SLX4IP: variants seen among roughly 807,000 people sequenced by gnomAD.
SLX4IP encodes the protein SLX4 interacting protein, also known as protein SLX4IP.
Under a neutral mutation model 32.9 loss-of-function variants are expected in SLX4IP, and 34 were observed. The ratio of observed to expected loss-of-function variants is 1.03; its 90% CI spans 0.79 to 1.38. SLX4IP has a LOEUF of 1.38. SLX4IP is among the 40% of genes most tolerant of loss of function. SLX4IP has a pLI of 0.00. For missense variants in SLX4IP, 444 were observed against 479.0 expected (o/e 0.93, Z 0.68); for synonymous variants, 172 against 171.7 (o/e 1.00, Z -0.01).
intron 6 of SLX4IP, among the ~76,000 whole-genome samples, chr20:10,610,142 AG>A (rs1044022415): frequency 5.9e-5 from 9 of 152,128 alleles, no homozygotes; most frequent in Non-Finnish European, 1.3e-4. Context: ...TAGGTTCTTG[AG>A]GGTAGGTGAA....
chr20:10,500,420 A>G (rs766833947), intron 2 of SLX4IP, among the ~76,000 whole-genome samples: 2 of 151,848 alleles, frequency 1.3e-5, no homozygotes. Flanking sequence ...TGAGCCACTG[A>G]TGTGTTAAAG....
At chr20:10,519,423 TA>T (rs1272458690) in intron 2 of SLX4IP, among the ~76,000 whole-genome samples, 1 of 152,248 alleles carries the variant, frequency 6.6e-6, no homozygotes, top group African/African-American at 2.4e-5. Context: ...TTTGTCTTTA[TA>T]AAAAATTGCT....
At chr20:10,461,938 C>T (rs6039951) in intron 2 of SLX4IP, among the ~76,000 whole-genome samples, 9 of 151,984 alleles carry the variant, frequency 5.9e-5, no homozygotes, top group African/African-American at 9.7e-5. Context: ...CCACCACTCT[C>T]GGCTAATTTT....
chr20:10,579,908 T>G (rs1003658337), intron 4 of SLX4IP, among the ~76,000 whole-genome samples: 2 of 152,220 alleles, frequency 1.3e-5, no homozygotes, highest in Non-Finnish European at 2.9e-5. Flanking sequence ...ACCTAGCCAG[T>G]GCAAACATGA....
chr20:10,520,823 A>G (rs1180321531), intron 2 of SLX4IP, among the ~76,000 whole-genome samples: 1 of 152,154 alleles, frequency 6.6e-6, no homozygotes, highest in Non-Finnish European at 1.5e-5. Flanking sequence ...TTGGAATCAC[A>G]TTATAGACTT....
chr20:10,562,545 G>A (rs968551042), intron 4 of SLX4IP, among the ~76,000 whole-genome samples: 1 of 152,028 alleles, frequency 6.6e-6, no homozygotes, highest in Non-Finnish European at 1.5e-5. Flanking sequence ...GGCACAAGAT[G>A]GGGGGCGTGG....
intron 2 of SLX4IP, among the ~76,000 whole-genome samples, chr20:10,530,969 T>C (rs2065983905): frequency 6.6e-6 from 1 of 152,244 alleles, no homozygotes; most frequent in South Asian, 2.1e-4. Context: ...TTTTGTGAAG[T>C]CCTCAGCTTT....
chr20:10,556,630 T>G (rs2066270126), intron 3 of SLX4IP, among the ~76,000 whole-genome samples: 1 of 152,204 alleles, frequency 6.6e-6, no homozygotes, highest in Admixed American at 6.5e-5. Flanking sequence ...AAGTGACTAT[T>G]TCAGTAATCA....
At chr20:10,471,465 A>AT (rs2065424604) in intron 2 of SLX4IP, among the ~76,000 whole-genome samples, 2 of 152,254 alleles carry the variant, frequency 1.3e-5, no homozygotes, top group East Asian at 3.9e-4. Context: ...GAGCCCAGTA[A>AT]TTTTTTTCAG....
intron 6 of SLX4IP, chr20:10,613,882 C>T (rs1369320752): frequency 1.7e-5 from 26 of 1,529,208 alleles, no homozygotes; most frequent in Middle Eastern, 1.7e-4. Flanking sequence ...AAAGCTTGAA[C>T]GTCCTCTAAA....
Position 10,545,774 on chromosome 20 carries a change from T to C in SLX4IP, c.28-10457T>C, listed in dbSNP as rs148681010. On this transcript the variant is annotated intron_variant, in intron 2 of 7. Coordinates refer to ENST00000334534, the MANE Select transcript of SLX4IP (RefSeq NM_001009608.3). Reference sequence around the variant, plus strand: ...TCCACCCACAGAGGTAGGAAAATTATGCTACCTGTCTTTCCTCTTCCTTCC... The same window carrying C: ...TCCACCCACAGAGGTAGGAAAATTACGCTACCTGTCTTTCCTCTTCCTTCC... 2.7e-3 allele frequency among the ~76,000 whole-genome samples: 410 copies of C among 152,312 alleles called. 1 individual carries two copies. The highest frequency in any genetic ancestry group is 9.3e-3 in the African/African-American group (388 of 41,564).
intron 6 of SLX4IP, among the ~76,000 whole-genome samples, chr20:10,605,669 T>A (rs545953328): frequency 6.6e-6 from 1 of 152,310 alleles, no homozygotes; most frequent in East Asian, 1.9e-4. Flanking sequence ...GATATTTGAG[T>A]TATCTGCCTT....
rs769168305 is a variant in SLX4IP at position 10,622,615 on chromosome 20, A to G, written c.507-44A>G. ...AGAGGGAATCTGGAGGAAACAGTGC[A>G]GTGACAGCTTTACAAACCATAAAAT... On this transcript the variant is annotated intron_variant, in intron 7 of 7. Coordinates refer to ENST00000334534, the MANE Select transcript of SLX4IP (RefSeq NM_001009608.3). 32 of 1,556,170 alleles carry G rather than the reference A, an allele frequency of 2.1e-5. No individual in the cohort carries two copies. In the Admixed American group the frequency reaches 2.3e-4, roughly 11 times the overall value.
At chr20:10,583,178 A>C (rs1411999413) in intron 4 of SLX4IP, among the ~76,000 whole-genome samples, 2 of 152,230 alleles carry the variant, frequency 1.3e-5, no homozygotes, top group African/African-American at 4.8e-5. Context: ...TTTAAAGTAG[A>C]TTCTGGATGT....
intron 2 of SLX4IP, among the ~76,000 whole-genome samples, chr20:10,545,151 G>A (rs1168618142): frequency 6.6e-6 from 1 of 152,114 alleles, no homozygotes; most frequent in Non-Finnish European, 1.5e-5. Context: ...CTAGGCTTGA[G>A]GCTCTAGTGG....
At chr20:10,475,010 G>A (rs1036078934) in intron 2 of SLX4IP, among the ~76,000 whole-genome samples, 1 of 152,174 alleles carries the variant, frequency 6.6e-6, no homozygotes, top group Non-Finnish European at 1.5e-5. Context: ...TGCCTTCTTT[G>A]GGCAAGCACG....
At chr20:10,500,517 G>A (rs2065709120) in intron 2 of SLX4IP, among the ~76,000 whole-genome samples, 1 of 152,264 alleles carries the variant, frequency 6.6e-6, no homozygotes, top group East Asian at 1.9e-4. Flanking sequence ...TTGGGAGGCT[G>A]AGGCAGGTGG....
In SLX4IP at chr20:10,623,540, G is replaced by C; in HGVS notation, c.*161G>C. 9.0e-7 allele frequency: 1 copy of C among 1,109,472 alleles called. No individual in the cohort carries two copies. Among genetic ancestry groups the C allele is most frequent in the Non-Finnish European group, 1.2e-6 (1 of 805,990 alleles). 68.7% of individuals were successfully genotyped at this position (1,109,472 alleles called of 1,614,324 possible). On this transcript the variant is annotated 3_prime_UTR_variant, in exon 8 of 8. Coordinates refer to ENST00000334534, the MANE Select transcript of SLX4IP (RefSeq NM_001009608.3). ...GTTATGGCTATGGTTTGTTTTCAAA[G>C]CATTTCAAACCGGGAGGCTATATGC...
intron 4 of SLX4IP, among the ~76,000 whole-genome samples, chr20:10,595,453 C>G (rs2066758437): frequency 6.6e-6 from 1 of 152,166 alleles, no homozygotes; most frequent in Admixed American, 6.5e-5. Context: ...TTTAAAACAC[C>G]AGCATAGCGA....
Sources: allele counts gnomAD v4.1 joint callset (sites outside exome capture counted in the v4.1 genomes callset), GRCh38; gene constraint gnomAD v4.1.1; transcripts MANE v1.5; gene names NCBI Gene and HGNC (gene_info 2026-07-23, HGNC 2026-07-21).